The following CNTNAP2 variants were observed in gnomAD, a reference collection of about 807,000 sequenced individuals.
CNTNAP2 encodes contactin-associated protein-like 2.
CNTNAP2 carries 98 observed loss-of-function variants against 155.2 expected under a neutral mutation model. The ratio of observed to expected loss-of-function variants is 0.63; its 90% CI spans 0.54 to 0.75. The LOEUF (loss-of-function observed/expected upper bound fraction) is 0.75. Ranked by LOEUF, CNTNAP2 falls within the 30% of genes least tolerant of loss-of-function variation. CNTNAP2 has a pLI of 0.00. For synonymous variants in CNTNAP2, 651 were observed against 631.2 expected, an observed-to-expected ratio of 1.03 and a Z score of -0.47; for missense variants, 1,727 against 1,688.1, an observed-to-expected ratio of 1.02 and a Z score of -0.40.
intron 3 of CNTNAP2, among the ~76,000 whole-genome samples, chr7:147,003,533 A>C (rs1584777440): frequency 6.6e-6 from 1 of 151,970 alleles, no homozygotes; most frequent in East Asian, 1.9e-4. Flanking sequence ...GGAAATAACA[A>C]CGTAAGAGTT....
At chr7:146,514,452 T>C (rs1278383684) in intron 1 of CNTNAP2, among the ~76,000 whole-genome samples, 1 of 152,098 alleles carries the variant, frequency 6.6e-6, no homozygotes, top group African/African-American at 2.4e-5. Context: ...TATTTTCAAG[T>C]AGCTTGTCTT....
intron 9 of CNTNAP2, among the ~76,000 whole-genome samples, chr7:147,319,639 A>G (rs1002631045): frequency 7.9e-5 from 12 of 152,166 alleles, no homozygotes; most frequent in Non-Finnish European, 1.6e-4. Flanking sequence ...CGGCCTCCCA[A>G]ATTGCTGGGA....
At chr7:146,287,794 A>G (rs1476802337) in intron 1 of CNTNAP2, among the ~76,000 whole-genome samples, 4 of 152,194 alleles carry the variant, frequency 2.6e-5, no homozygotes, top group Admixed American at 2.6e-4. Context: ...TTAATACAAG[A>G]AAGGACCAGA....
rs55646482 is a variant in CNTNAP2 at position 146,864,990 on chromosome 7, T to TAAAAAA, written c.402+25103_402+25108dup. Among the ~76,000 whole-genome samples the TAAAAAA allele has an allele frequency of 1.0e-3, 86 of 83,974 alleles. 2 individuals carry two copies. The highest frequency in any genetic ancestry group is 4.0e-3 in the African/African-American group (75 of 18,786). The allele number at this position is 83,974 out of a possible 152,430, so 55.1% of individuals were successfully genotyped here. On this transcript the variant is annotated intron_variant, in intron 3 of 23. Transcript: ENST00000361727. ...TCCAGTCTGAGTGACAGAGTCTATC[T>TAAAAAA]AAAAAAAAAAAAAAAAAAAAAAGTA...
intron 8 of CNTNAP2, among the ~76,000 whole-genome samples, chr7:147,221,101 A>G (rs1355736620): frequency 6.6e-6 from 1 of 151,860 alleles, no homozygotes; most frequent in Non-Finnish European, 1.5e-5. Context: ...TCAAGTAACA[A>G]TATACCACTT....
chr7:146,236,122 T>G (rs1462633106), intron 1 of CNTNAP2, among the ~76,000 whole-genome samples: 2 of 152,176 alleles, frequency 1.3e-5, no homozygotes, highest in Non-Finnish European at 2.9e-5. Context: ...CACCACCCAC[T>G]GCTTTTAAAT....
chr7:146,458,304 A>G (rs1231118279), intron 1 of CNTNAP2, among the ~76,000 whole-genome samples: 1 of 152,202 alleles, frequency 6.6e-6, no homozygotes, highest in Non-Finnish European at 1.5e-5. Flanking sequence ...TTAAAATAAA[A>G]GTTGATGACA....
At chr7:147,852,362 T>C (rs553571474) in intron 13 of CNTNAP2, among the ~76,000 whole-genome samples, 2 of 152,300 alleles carry the variant, frequency 1.3e-5, no homozygotes, top group Admixed American at 1.3e-4. Context: ...TCCAAAAATA[T>C]GTTAAGATGT....
chr7:147,061,617 C>T (rs1799677021), intron 4 of CNTNAP2, among the ~76,000 whole-genome samples: 1 of 152,170 alleles, frequency 6.6e-6, no homozygotes, highest in Non-Finnish European at 1.5e-5. Context: ...CTTACAGTGG[C>T]CCCTGTTTGT....
At chr7:146,975,947 C>A (rs894246355) in intron 3 of CNTNAP2, among the ~76,000 whole-genome samples, 4 of 152,150 alleles carry the variant, frequency 2.6e-5, no homozygotes, top group African/African-American at 7.2e-5. Context: ...AAATTTCTTA[C>A]CTTTCATGGC....
At chr7:146,208,400 T>C (rs1798982087) in intron 1 of CNTNAP2, among the ~76,000 whole-genome samples, 7 of 152,184 alleles carry the variant, frequency 4.6e-5, no homozygotes. Context: ...TTTAAAAGAC[T>C]AATTATTTAT....
At chr7:148,151,076 G>T (rs1805287496) in intron 17 of CNTNAP2, among the ~76,000 whole-genome samples, 1 of 152,042 alleles carries the variant, frequency 6.6e-6, no homozygotes, top group Non-Finnish European at 1.5e-5. Flanking sequence ...ACAATACCAG[G>T]GTTGCCAAGT....
At chr7:147,517,706 GGTT>G (rs1489571507) in intron 11 of CNTNAP2, among the ~76,000 whole-genome samples, 1 of 152,084 alleles carries the variant, frequency 6.6e-6, no homozygotes, top group African/African-American at 2.4e-5. Context: ...ATTTGGCATT[GGTT>G]GTTGTTTTTG....
intron 1 of CNTNAP2, among the ~76,000 whole-genome samples, chr7:146,446,701 A>G (rs1451927994): frequency 6.6e-6 from 1 of 152,142 alleles, no homozygotes. Flanking sequence ...AATATTTAGC[A>G]TTGCACAGAA....
At chr7:147,065,491 A>G (rs961327528) in intron 4 of CNTNAP2, among the ~76,000 whole-genome samples, 1 of 152,210 alleles carries the variant, frequency 6.6e-6, no homozygotes, top group Non-Finnish European at 1.5e-5. Context: ...TCATATTTAA[A>G]CACCAGGTAA....
intron 1 of CNTNAP2, among the ~76,000 whole-genome samples, chr7:146,751,242 CATTTGAGCATACAAATTTGAGCATACAA>C (rs1017083759): frequency 6.6e-6 from 1 of 152,074 alleles, no homozygotes; most frequent in Non-Finnish European, 1.5e-5. Context: ...TGAGCATACA[CATTTGAGCATACAAATTTGAGCATACAA>C]ATTTAATTAA....
chr7:148,106,493 G>GAGATATATATAT (rs1554472856), intron 15 of CNTNAP2, among the ~76,000 whole-genome samples: 1 of 124,912 alleles, frequency 8.0e-6, no homozygotes, highest in African/African-American at 3.4e-5. Context: ...CACACTTTGA[G>GAGATATATATAT]ATATATATAT....
At chr7:146,435,165 G>A (rs1317115010) in intron 1 of CNTNAP2, among the ~76,000 whole-genome samples, 2 of 152,168 alleles carry the variant, frequency 1.3e-5, no homozygotes, top group East Asian at 3.9e-4. Context: ...AACATAGCTA[G>A]TGGGATGAGT....
At chr7:148,234,928 T>C (rs1414127339) in intron 20 of CNTNAP2, among the ~76,000 whole-genome samples, 1 of 152,200 alleles carries the variant, frequency 6.6e-6, no homozygotes, top group Admixed American at 6.5e-5. Flanking sequence ...ATGGTAAGGA[T>C]GTATCATTTT....
Sources: gnomAD v4.1 joint callset for allele counts (sites outside exome capture counted in the v4.1 genomes callset) on GRCh38, gnomAD v4.1.1 for gene constraint, MANE v1.5 for transcripts, NCBI Gene and HGNC (gene_info 2026-07-23, HGNC 2026-07-21) for gene names.